POFUT3: variants seen among roughly 807,000 people sequenced by gnomAD.
POFUT3 encodes the protein GDP-fucose protein O-fucosyltransferase 3.
chr8:33,370,577 T>G, the POFUT3 span, among the ~76,000 whole-genome samples: 1 of 152,198 alleles, frequency 6.6e-6, no homozygotes, highest in East Asian at 1.9e-4. Context: ...TTCACTAAAT[T>G]TGTTCAGGGA....
At chr8:33,327,000 ATG>A in the POFUT3 span, among the ~76,000 whole-genome samples, 1 of 152,208 alleles carries the variant, frequency 6.6e-6, no homozygotes, top group Non-Finnish European at 1.5e-5. Context: ...CTGGTCTTGA[ATG>A]CCTGGCCTTA....
the POFUT3 span, among the ~76,000 whole-genome samples, chr8:33,463,950 A>G: frequency 6.6e-5 from 10 of 152,216 alleles, no homozygotes; most frequent in South Asian, 2.1e-3. Context: ...TCATCCATGA[A>G]ATTCCCAAAA....
chr8:33,366,503 T>G, the POFUT3 span, among the ~76,000 whole-genome samples: 1 of 152,182 alleles, frequency 6.6e-6, no homozygotes, highest in Non-Finnish European at 1.5e-5. Flanking sequence ...TTCTTTAGAA[T>G]TATAAAAACA....
At chr8:33,427,320 G>A in the POFUT3 span, among the ~76,000 whole-genome samples, 1 of 152,160 alleles carries the variant, frequency 6.6e-6, no homozygotes, top group Non-Finnish European at 1.5e-5. Context: ...GCTCACACCT[G>A]TAATCCCAGC....
chr8:33,424,460 C>T, the POFUT3 span, among the ~76,000 whole-genome samples: 1 of 152,132 alleles, frequency 6.6e-6, no homozygotes, highest in African/African-American at 2.4e-5. Flanking sequence ...AAGCTGCTAC[C>T]AGCAAGAAGT....
the POFUT3 span, among the ~76,000 whole-genome samples, chr8:33,370,576 T>C: frequency 1.3e-5 from 2 of 152,210 alleles, no homozygotes; most frequent in Admixed American, 6.5e-5. Flanking sequence ...TTTCACTAAA[T>C]TTGTTCAGGG....
chr8:33,460,608 A>G, the POFUT3 span: 1 of 324,034 alleles, frequency 3.1e-6, no homozygotes, highest in Non-Finnish European at 4.4e-6. Flanking sequence ...AGTGATAACA[A>G]TAGGAGATTC....
chr8:33,428,038 C>A, the POFUT3 span, among the ~76,000 whole-genome samples: 1 of 152,090 alleles, frequency 6.6e-6, no homozygotes, highest in Non-Finnish European at 1.5e-5. Context: ...GCAGGAAAAT[C>A]GCTTGAAACC....
At chr8:33,436,550 C>A in the POFUT3 span, 828 of 952,966 alleles carry the variant, frequency 8.7e-4, 14 homozygotes, top group South Asian at 0.01. Flanking sequence ...TTGCGTATGG[C>A]ATCTTCCTCT....
chr8:33,339,550 A>C, the POFUT3 span, among the ~76,000 whole-genome samples: 1 of 152,194 alleles, frequency 6.6e-6, no homozygotes, highest in Non-Finnish European at 1.5e-5. Flanking sequence ...TCCAAAATTC[A>C]CAAAAGACAA....
chr8:33,350,804 G>A, the POFUT3 span, among the ~76,000 whole-genome samples: 8 of 152,108 alleles, frequency 5.3e-5, no homozygotes, highest in Non-Finnish European at 1.0e-4. Context: ...CTTGGGCCAG[G>A]AAAAGGGGAG....
At chr8:33,348,908 AAG>A in the POFUT3 span, among the ~76,000 whole-genome samples, 1 of 152,228 alleles carries the variant, frequency 6.6e-6, no homozygotes, top group Non-Finnish European at 1.5e-5. Context: ...GTGGCTCTTA[AAG>A]AATATTGAGC....
At chr8:33,358,094 T>C in the POFUT3 span, among the ~76,000 whole-genome samples, 1 of 151,854 alleles carries the variant, frequency 6.6e-6, no homozygotes, top group East Asian at 1.9e-4. Flanking sequence ...ATATAAAAAA[T>C]ACAAAAAAAT....
At chr8:33,445,406 T>C in the POFUT3 span, among the ~76,000 whole-genome samples, 1 of 152,042 alleles carries the variant, frequency 6.6e-6, no homozygotes, top group African/African-American at 2.4e-5. Context: ...AGAAAAAAAC[T>C]AGTAAGAATC....
At chr8:33,442,724 T>G in the POFUT3 span, among the ~76,000 whole-genome samples, 1 of 152,104 alleles carries the variant, frequency 6.6e-6, no homozygotes, top group Non-Finnish European at 1.5e-5. Flanking sequence ...CCTCCTAAAG[T>G]GCTGGGATTA....
the POFUT3 span, chr8:33,388,981 AT>A: frequency 6.2e-7 from 1 of 1,614,080 alleles, no homozygotes; most frequent in Non-Finnish European, 8.5e-7. Context: ...GAAGCCTGAT[AT>A]TAGCCCACAC....
chr8:33,395,384 A>G, the POFUT3 span, among the ~76,000 whole-genome samples: 1 of 152,162 alleles, frequency 6.6e-6, no homozygotes, highest in Non-Finnish European at 1.5e-5. Context: ...AGGCAGCTGG[A>G]CATCAGAGAT....
the POFUT3 span, among the ~76,000 whole-genome samples, chr8:33,449,679 T>G: frequency 6.6e-6 from 1 of 152,092 alleles, no homozygotes; most frequent in African/African-American, 2.4e-5. Flanking sequence ...AAGCCAACAT[T>G]GAAGGTTCTC....
chr8:33,379,894 A>G, the POFUT3 span, among the ~76,000 whole-genome samples: 1 of 123,264 alleles, frequency 8.1e-6, no homozygotes, highest in Non-Finnish European at 1.6e-5. Context: ...TATAACATAC[A>G]TATACACTAT....
Sources: allele counts gnomAD v4.1 joint callset (sites outside exome capture counted in the v4.1 genomes callset), GRCh38; gene constraint gnomAD v4.1.1; transcripts MANE v1.5; gene names NCBI Gene and HGNC (gene_info 2026-07-23, HGNC 2026-07-21).